Variants in CNTN5 observed in about 807,000 individuals in gnomAD.
CNTN5 encodes contactin-5.
Under a neutral mutation model 129.1 loss-of-function variants are expected in CNTN5, and 77 were observed. That is an observed-to-expected ratio of 0.60 (90% CI 0.50 to 0.72). The LOEUF is 0.72. Ranked by LOEUF, CNTN5 falls within the 30% of genes least tolerant of loss-of-function variation. CNTN5 has a pLI of 0.00. For missense variants in CNTN5, 1,478 were observed against 1,328.8 expected (o/e 1.11, Z -1.75); for synonymous variants, 509 against 465.6 (o/e 1.09, Z -1.20).
intron 6 of CNTN5, among the ~76,000 whole-genome samples, chr11:99,874,194 C>T (rs566425429): frequency 1.5e-3 from 222 of 152,180 alleles, no homozygotes; most frequent in Middle Eastern, 0.01. Flanking sequence ...ATGTAGCTCC[C>T]GAAGCTAAAA....
intron 3 of CNTN5, among the ~76,000 whole-genome samples, chr11:99,580,489 T>C (rs1221621912): frequency 6.6e-6 from 1 of 152,178 alleles, no homozygotes; most frequent in Non-Finnish European, 1.5e-5. Flanking sequence ...AATCTATTAA[T>C]TATTGCCTCA....
intron 18 of CNTN5, among the ~76,000 whole-genome samples, chr11:100,277,665 T>A (rs945074326): frequency 6.6e-6 from 1 of 151,772 alleles, no homozygotes; most frequent in African/African-American, 2.4e-5. Flanking sequence ...TGAATTGGGT[T>A]TTTTTTATTT....
chr11:99,580,371 T>C (rs1197504884), intron 3 of CNTN5, among the ~76,000 whole-genome samples: 1 of 152,228 alleles, frequency 6.6e-6, no homozygotes, highest in Non-Finnish European at 1.5e-5. Flanking sequence ...GATTCCCTCT[T>C]TTTCTATTAA....
At chr11:99,733,702 A>T (rs1480057076) in intron 3 of CNTN5, among the ~76,000 whole-genome samples, 2 of 152,146 alleles carry the variant, frequency 1.3e-5, no homozygotes, top group South Asian at 4.1e-4. Context: ...GCTAACTCTG[A>T]TGGAGGGCGG....
At chr11:99,835,271 T>A (rs1358173204) in intron 4 of CNTN5, among the ~76,000 whole-genome samples, 4 of 152,174 alleles carry the variant, frequency 2.6e-5, no homozygotes, top group African/African-American at 4.8e-5. Context: ...GAAGACACAT[T>A]GGTATGAAAA....
intron 15 of CNTN5, among the ~76,000 whole-genome samples, chr11:100,210,093 T>C (rs1948995577): frequency 6.6e-6 from 1 of 151,134 alleles, no homozygotes; most frequent in Non-Finnish European, 1.5e-5. Context: ...CCCAGCATTT[T>C]CAGAGGCCGG....
At chr11:99,560,309 T>TTC (rs2135548627) in intron 3 of CNTN5, among the ~76,000 whole-genome samples, 1 of 127,536 alleles carries the variant, frequency 7.8e-6, no homozygotes, top group South Asian at 2.7e-4. Flanking sequence ...TATTATTATT[T>TTC]TGAGATGGAG....
At chr11:99,521,060 C>T (rs529026613) in intron 2 of CNTN5, among the ~76,000 whole-genome samples, 66 of 152,190 alleles carry the variant, frequency 4.3e-4, no homozygotes, top group African/African-American at 1.5e-3. Context: ...TTAGAAGAGC[C>T]AGAACCAAAA....
chr11:99,940,744 G>A (rs549740596), intron 7 of CNTN5, among the ~76,000 whole-genome samples: 3 of 151,932 alleles, frequency 2.0e-5, no homozygotes, highest in Non-Finnish European at 4.4e-5. Context: ...TCAATGATGT[G>A]TGCTTACCAT....
intron 3 of CNTN5, among the ~76,000 whole-genome samples, chr11:99,806,912 C>T (rs981353081): frequency 1.3e-5 from 2 of 151,204 alleles, no homozygotes; most frequent in African/African-American, 2.4e-5. Context: ...CAATGTAAAC[C>T]TTTTCTTCAG....
chr11:99,725,492 G>A (rs1416741506), intron 3 of CNTN5, among the ~76,000 whole-genome samples: 2 of 151,558 alleles, frequency 1.3e-5, no homozygotes, highest in East Asian at 1.9e-4. Flanking sequence ...ATACAGAAGT[G>A]TTTTATAAAA....
chr11:99,328,343 A>C (rs754191105), intron 2 of CNTN5, among the ~76,000 whole-genome samples: 1 of 152,198 alleles, frequency 6.6e-6, no homozygotes, highest in Non-Finnish European at 1.5e-5. Flanking sequence ...TCATGTGTCC[A>C]GATGAATGAA....
intron 3 of CNTN5, among the ~76,000 whole-genome samples, chr11:99,578,355 A>G (rs10750328): frequency 0.91 from 135,655 of 149,188 alleles, 61,846 homozygotes; most frequent in East Asian, 1. Flanking sequence ...GTAATGGGAT[A>G]GTTGGGTCAA....
chr11:99,066,580 A>C (rs1320858536), intron 1 of CNTN5, among the ~76,000 whole-genome samples: 1 of 152,190 alleles, frequency 6.6e-6, no homozygotes, highest in Non-Finnish European at 1.5e-5. Flanking sequence ...TCTTCAGTAG[A>C]TAAAATCAAT....
intron 6 of CNTN5, among the ~76,000 whole-genome samples, chr11:99,851,848 A>T (rs1947883827): frequency 6.6e-6 from 1 of 152,202 alleles, no homozygotes. Flanking sequence ...AAAACTCAAA[A>T]ATTACTTCTC....
chr11:99,047,481 T>C (rs1864261925), intron 1 of CNTN5, among the ~76,000 whole-genome samples: 2 of 151,794 alleles, frequency 1.3e-5, no homozygotes, highest in Non-Finnish European at 2.9e-5. Context: ...GTAACTAACA[T>C]TGTATGTAAA....
chr11:100,157,043 T>C (rs1947268092), intron 13 of CNTN5, among the ~76,000 whole-genome samples: 1 of 152,088 alleles, frequency 6.6e-6, no homozygotes, highest in African/African-American at 2.4e-5. Context: ...AGCTTTTGAA[T>C]TTGTTTGCTC....
At chr11:99,309,807 A>G (rs1405151330) in intron 1 of CNTN5, among the ~76,000 whole-genome samples, 1 of 152,152 alleles carries the variant, frequency 6.6e-6, no homozygotes, top group Admixed American at 6.5e-5. Context: ...CAATTGTTTT[A>G]TTAAGTTTTT....
chr11:100,210,600 A>G (rs1384926044), intron 15 of CNTN5, among the ~76,000 whole-genome samples: 1 of 152,186 alleles, frequency 6.6e-6, no homozygotes. Context: ...TTGAGACTTG[A>G]CAAAGTTTAT....
Sources: gnomAD v4.1 joint callset for allele counts (sites outside exome capture counted in the v4.1 genomes callset) on GRCh38, gnomAD v4.1.1 for gene constraint, MANE v1.5 for transcripts, NCBI Gene and HGNC (gene_info 2026-07-23, HGNC 2026-07-21) for gene names.